Variants in RNF181 observed in about 807,000 individuals in gnomAD.
RNF181 encodes the protein ring finger protein 181.
Under a neutral mutation model 23.3 loss-of-function variants are expected in RNF181, and 25 were observed. The observed-to-expected ratio is 1.07, with a 90% confidence interval of 0.78 to 1.50. The LOEUF is 1.50. Ranked by LOEUF, RNF181 falls within the 40% of genes most tolerant of loss-of-function variation. The pLI, the probability that RNF181 is intolerant of heterozygous loss-of-function variation, is 0.00. For synonymous variants in RNF181, 62 were observed against 70.9 expected, an observed-to-expected ratio of 0.87 and a Z score of 0.63; for missense variants, 167 against 191.1, an observed-to-expected ratio of 0.87 and a Z score of 0.74.
chr2:85,596,972 C>T (rs1030567548), intron 3 of RNF181, 41 bp downstream of exon 3: 3 of 1,613,950 alleles, frequency 1.9e-6, no homozygotes, highest in Admixed American at 3.3e-5. Flanking sequence ...TGCCCTGGGC[C>T]CAGTACTCAA....
At position 85,595,793 on chromosome 2, in the gene RNF181, C is replaced by T. The variant is rs368059230; in HGVS notation, c.30C>T (p.Cys10=). 1.9e-6 allele frequency: 3 copies of T among 1,613,916 alleles called. No homozygotes were observed. Among genetic ancestry groups the T allele is most frequent in the Non-Finnish European group, 2.5e-6 (3 of 1,179,960 alleles). Residue 10 remains cysteine, a synonymous_variant, in exon 1 of 5, where the codon TGC becomes TGT. Transcript: ENST00000306368. The stretch of plus-strand genomic sequence containing the variant: ...CGTCCTATTTCGATGAACACGACTG[C>T]GAGCCGTCGGACCCTGAGCAGGAGA... The part of the protein sequence containing the change: MASYFDEHD[C]EPSDPEQETR...
At position 85,595,825 on chromosome 2, in the gene RNF181, C is replaced by T; in HGVS notation, c.62C>T (p.Thr21Ile). The change falls in exon 1 of 5, where the codon ACC becomes ATC. Residue 21 changes from threonine (T) to isoleucine (I), a missense_variant. Coordinates refer to ENST00000306368, the MANE Select transcript of RNF181 (RefSeq NM_016494.4). ...EPSDPEQETR[T>I]NMLLELARSL... The stretch of plus-strand genomic sequence containing the variant: ...TCGGACCCTGAGCAGGAGACGCGAA[C>T]CAACATGCTGCTGGAGCTCGCAAGG... The T allele has an allele frequency of 6.2e-7, 1 of 1,614,034 alleles. No homozygotes were observed. The highest frequency in any genetic ancestry group is 8.5e-7 in the Non-Finnish European group (1 of 1,179,988).
intron 4 of RNF181, 38 bp downstream of exon 4, chr2:85,597,216 C>T (rs1416078701): frequency 1.9e-6 from 3 of 1,551,852 alleles, no homozygotes; most frequent in Middle Eastern, 1.7e-4. Context: ...TCGTAATGGG[C>T]TCCCTGAGTC....
chr2:85,597,692 T>A lies in RNF181; in HGVS notation c.*188T>A. ...ATCGCAGAAGGCACCAGGCTGCGGT[T>A]TTCCTCCCTGCTGGCCCATCTGGAC... On this transcript the variant is annotated 3_prime_UTR_variant, in exon 5 of 5. Transcript: ENST00000306368. 1 of 1,161,932 alleles carries A rather than the reference T, an allele frequency of 8.6e-7. No homozygotes were observed. Among genetic ancestry groups the A allele is most frequent in the Admixed American group, 3.2e-5 (1 of 31,538 alleles). The allele number at this position is 1,161,932 out of a possible 1,614,324, so 72.0% of individuals were successfully genotyped here.
Position 85,595,850 on chromosome 2 carries a change from G to A in RNF181, c.86+1G>A, listed in dbSNP as rs1450731510. On this transcript the variant is annotated splice_donor_variant, in intron 1 of 4. Coordinates refer to ENST00000306368, the MANE Select transcript of RNF181 (RefSeq NM_016494.4). LOFTEE classifies it high-confidence loss of function. ...CCAACATGCTGCTGGAGCTCGCAAGGTGGGTGCGCGGGGCTTGGGGATAGG... is the reference window on the plus strand; with the variant it reads ...CCAACATGCTGCTGGAGCTCGCAAGATGGGTGCGCGGGGCTTGGGGATAGG... 5.0e-6 allele frequency: 8 copies of A among 1,613,530 alleles called. No homozygotes were observed. In the African/African-American group the frequency reaches 1.1e-4, roughly 22 times the overall value.
Position 85,597,641 on chromosome 2 carries a change from A to G in RNF181, c.*137A>G. ...GCTCTGCATCCTCCATCAGGTCTCT[A>G]CTTCTGTTGGGGAAGGTGATCCTAA... is the stretch of plus-strand genomic sequence containing the variant. On this transcript the variant is annotated 3_prime_UTR_variant, in exon 5 of 5. Coordinates refer to ENST00000306368, the MANE Select transcript of RNF181 (RefSeq NM_016494.4). The G allele has an allele frequency of 7.0e-7, 1 of 1,435,600 alleles. No homozygotes were observed. The highest frequency in any genetic ancestry group is 1.5e-5 in the South Asian group (1 of 67,356). 88.9% of individuals were successfully genotyped at this position (1,435,600 alleles called of 1,614,324 possible).
In RNF181 at chr2:85,597,182, G is replaced by A. The variant is rs1421779213; in HGVS notation, c.402+4G>A. The A allele has an allele frequency of 1.9e-6, 3 of 1,609,198 alleles. No homozygotes were observed. Among genetic ancestry groups the A allele is most frequent in the Admixed American group, 1.7e-5 (1 of 59,774 alleles). ...TGAGGAGCACAGACGAGATAAGGTA[G>A]GGGCTGATGCTTAAGTGGAGGGGTC... On this transcript the variant is annotated splice_donor_region_variant and intron_variant, in intron 4 of 4. Transcript: ENST00000306368.
In RNF181 at chr2:85,597,587, G is replaced by A. The variant is rs1217197255; in HGVS notation, c.*83G>A. On this transcript the variant is annotated 3_prime_UTR_variant, in exon 5 of 5. Coordinates refer to ENST00000306368, the MANE Select transcript of RNF181 (RefSeq NM_016494.4). ...TTAAAGGTTTCTTTACCCACCCTGA[G>A]GCTGTATTGATCACAGACCTGGCCA... 2 of 1,585,474 alleles carry A rather than the reference G, an allele frequency of 1.3e-6. No individual in the cohort carries two copies. The highest frequency in any genetic ancestry group is 4.5e-5 in the East Asian group (2 of 44,640).
At chr2:85,596,959 C>A in intron 3 of RNF181, 28 bp downstream of exon 3, 1 of 1,614,174 alleles carries the variant, frequency 6.2e-7, no homozygotes, top group East Asian at 2.2e-5. Context: ...CTAGCTCTCA[C>A]CGTGCCCTGG....
chr2:85,597,432 T>G lies in RNF181; in HGVS notation c.403-13T>G. ...AGTTTTGGCCCCTGCCCAGCATGCCTTCTTTCCTTCAGGCTCGAAAACAGC... is the reference window on the plus strand; with the variant it reads ...AGTTTTGGCCCCTGCCCAGCATGCCGTCTTTCCTTCAGGCTCGAAAACAGC... On this transcript the variant is annotated splice_polypyrimidine_tract_variant and intron_variant, in intron 4 of 4. Transcript: ENST00000306368. 1 of 1,603,562 alleles carries G rather than the reference T, an allele frequency of 6.2e-7. No individual in the cohort carries two copies. Among genetic ancestry groups the G allele is most frequent in the African/African-American group, 1.3e-5 (1 of 74,520 alleles).
chr2:85,596,982 A>G, intron 3 of RNF181, 51 bp downstream of exon 3: 1 of 1,614,020 alleles, frequency 6.2e-7, no homozygotes. Context: ...CCAGTACTCA[A>G]GCTTCTTTCT....
At position 85,597,308 on chromosome 2, in the gene RNF181, C is replaced by T. The variant is rs377031223; in HGVS notation, c.402+130C>T. The T allele has an allele frequency of 5.0e-6, 7 of 1,395,844 alleles. No homozygotes were observed. In the African/African-American group the frequency reaches 8.7e-5, roughly 17 times the overall value. The allele number at this position is 1,395,844 out of a possible 1,614,324, so 86.5% of individuals were successfully genotyped here. ...CTGGCTCTGGCTGTCTTCTTAGTGACTTTGATTTGTGGTGAGAGCCTCAGC... is the reference window on the plus strand; with the variant it reads ...CTGGCTCTGGCTGTCTTCTTAGTGATTTTGATTTGTGGTGAGAGCCTCAGC... On this transcript the variant is annotated intron_variant, in intron 4 of 4. Transcript: ENST00000306368.
intron 1 of RNF181, 56 bp downstream of exon 1, chr2:85,595,905 TGGCTGGAGAA>T: frequency 6.6e-7 from 1 of 1,513,442 alleles, no homozygotes; most frequent in Non-Finnish European, 9.1e-7. Flanking sequence ...GGGCTGGGGC[TGGCTGGAGAA>T]GGCGGATTAC....
chr2:85,596,553 G>C lies in RNF181; in HGVS notation c.121G>C (p.Gly41Arg), dbSNP rs764245096. ...LFNRMDFEDL[G>R]LVVDWDHHLP... ...CAATAGGATGGACTTTGAAGACTTG[G>C]GGTTGGTAGTAGATTGGGACCACCA... Residue 41 changes from glycine to arginine, a missense_variant, in exon 2 of 5, where the codon GGG becomes CGG. Physicochemically the swap from Gly to Arg is moderately radical, Grantham distance 125. Transcript: ENST00000306368. 118 of 1,613,608 alleles carry C rather than the reference G, an allele frequency of 7.3e-5. No individual in the cohort carries two copies. The South Asian group carries it at 1.3e-3, about 17-fold the overall frequency.
rs1672702213 is a variant in RNF181 at position 85,597,517 on chromosome 2, T to C, written c.*13T>C. The stretch of plus-strand genomic sequence containing the variant: ...CATGTACACGTGAGGAGGTTGGGGC[T>C]GAGTGCTGGCCCTCTGCGTCTTCCT... On this transcript the variant is annotated 3_prime_UTR_variant, in exon 5 of 5. Transcript: ENST00000306368. 8 of 1,613,706 alleles carry C rather than the reference T, an allele frequency of 5.0e-6. No individual in the cohort carries two copies. The highest frequency in any genetic ancestry group is 6.8e-6 in the Non-Finnish European group (8 of 1,179,850).
At chr2:85,596,226 GCTTGGT>G (rs933434402) in intron 1 of RNF181, among the ~76,000 whole-genome samples, 1 of 152,096 alleles carries the variant, frequency 6.6e-6, no homozygotes, top group African/African-American at 2.4e-5. Flanking sequence ...CTGGAATCTG[GCTTGGT>G]CTTGGAATCT....
Position 85,596,612 on chromosome 2 carries a change from G to A in RNF181, c.180G>A (p.Glu60=), listed in dbSNP as rs1672676452. The part of the protein sequence containing the change: ...LPPPAAKTVV[E]NLPRTVIRGS... ...CACCAGCTGCCAAGACTGTGGTTGA[G>A]AACCTCCCCAGGACAGTCATCAGAG... is the stretch of plus-strand genomic sequence containing the variant. The change falls in exon 2 of 5, where the codon GAG becomes GAA. Residue 60 remains glutamate (E), a synonymous_variant. Transcript: ENST00000306368. 1 of 1,614,018 alleles carries A rather than the reference G, an allele frequency of 6.2e-7. No individual in the cohort carries two copies. Among genetic ancestry groups the A allele is most frequent in the African/African-American group, 1.3e-5 (1 of 74,928 alleles).
At chr2:85,596,779 C>A in intron 2 of RNF181, 43 bp from the exon 3 acceptor site, 1 of 1,606,646 alleles carries the variant, frequency 6.2e-7, no homozygotes, top group Non-Finnish European at 8.5e-7. Context: ...GCTTGGGAGG[C>A]AGAGCCTGTA....
chr2:85,597,236 C>T (rs1348760497), intron 4 of RNF181, 58 bp downstream of exon 4: 1 of 1,477,140 alleles, frequency 6.8e-7, no homozygotes, highest in Non-Finnish European at 9.3e-7. Flanking sequence ...CCTGTCCCCG[C>T]TGCCATCACT....
Sources: allele counts gnomAD v4.1 joint callset (sites outside exome capture counted in the v4.1 genomes callset), GRCh38; gene constraint gnomAD v4.1.1; transcripts MANE v1.5; gene names NCBI Gene and HGNC (gene_info 2026-07-23, HGNC 2026-07-21).